PKN2: variants seen among roughly 807,000 people sequenced by gnomAD.
The protein encoded by PKN2 is protein kinase N2.
Under a neutral mutation model 119.1 loss-of-function variants are expected in PKN2, and 38 were observed. The ratio of observed to expected loss-of-function variants is 0.32; its 90% CI spans 0.25 to 0.42. PKN2 has a LOEUF of 0.42. PKN2 is among the 10% of genes least tolerant of loss of function. The pLI, the probability that PKN2 is intolerant of heterozygous loss-of-function variation, is 1.00. For missense variants in PKN2, 850 were observed against 1,165.1 expected (o/e 0.73, Z 3.94); for synonymous variants, 390 against 384.9 (o/e 1.01, Z -0.15).
chr1:88,807,305 T>C lies in PKN2; in HGVS notation c.1804-8T>C, dbSNP rs1260968919. 1 of 1,515,160 alleles carries C rather than the reference T, an allele frequency of 6.6e-7. No homozygotes were observed. The highest frequency in any genetic ancestry group is 9.0e-7 in the Non-Finnish European group (1 of 1,114,224). The allele number at this position is 1,515,160 out of a possible 1,614,324, so 93.9% of individuals were successfully genotyped here. A position where few individuals can be genotyped will look rare whatever the true frequency, so the allele number is the denominator to read the frequency against. ...TCTATGGATTCACGTGTATTTAATA[T>C]TTTACAGGATTCAGAGACTGTTTTT... On this transcript the variant is annotated splice_polypyrimidine_tract_variant and splice_region_variant and intron_variant, in intron 12 of 21. Transcript: ENST00000370521.
At chr1:88,796,334 A>C (rs894190062) in intron 8 of PKN2, among the ~76,000 whole-genome samples, 6 of 152,106 alleles carry the variant, frequency 3.9e-5, no homozygotes, top group Non-Finnish European at 8.8e-5. Flanking sequence ...GTACTGCCTG[A>C]TGTGATCCAA....
At chr1:88,699,233 TTC>T (rs1397909170) in intron 1 of PKN2, among the ~76,000 whole-genome samples, 7 of 152,192 alleles carry the variant, frequency 4.6e-5, no homozygotes, top group African/African-American at 1.4e-4. Context: ...TCTTTAAATT[TTC>T]TCTGTTTTGG....
At chr1:88,771,219 G>C (rs1315838116) in intron 4 of PKN2, among the ~76,000 whole-genome samples, 3 of 151,882 alleles carry the variant, frequency 2.0e-5, no homozygotes, top group East Asian at 3.9e-4. Context: ...CTTTTTTTCA[G>C]ATTTGTAATT....
intron 3 of PKN2, among the ~76,000 whole-genome samples, chr1:88,766,331 C>T (rs1442755076): frequency 6.6e-6 from 1 of 152,044 alleles, no homozygotes; most frequent in Non-Finnish European, 1.5e-5. Flanking sequence ...AATGACTGGC[C>T]TATTTATTAC....
At chr1:88,770,267 A>G (rs1010224570) in intron 3 of PKN2, 85 bp from the exon 4 acceptor site, 7 of 706,650 alleles carry the variant, frequency 9.9e-6, no homozygotes, top group Non-Finnish European at 1.8e-5. Flanking sequence ...ACTTGCTGAT[A>G]TATCACTTGA....
chr1:88,732,933 G>A (rs898394590), intron 1 of PKN2, among the ~76,000 whole-genome samples: 2 of 152,154 alleles, frequency 1.3e-5, no homozygotes, highest in East Asian at 3.9e-4. Context: ...TCATTCATAG[G>A]TGGAATCTAA....
At chr1:88,797,109 G>A (rs1163898960) in intron 8 of PKN2, among the ~76,000 whole-genome samples, 2 of 151,900 alleles carry the variant, frequency 1.3e-5, no homozygotes, top group Non-Finnish European at 2.9e-5. Context: ...TGAGGCGGGC[G>A]GATCACCTGA....
chr1:88,747,647 G>C (rs1668822863), intron 2 of PKN2, among the ~76,000 whole-genome samples: 1 of 151,886 alleles, frequency 6.6e-6, no homozygotes, highest in Non-Finnish European at 1.5e-5. Flanking sequence ...TAATAATTTG[G>C]GTAGTGTATA....
chr1:88,809,242 T>C (rs1209756266), intron 15 of PKN2, among the ~76,000 whole-genome samples: 3 of 152,198 alleles, frequency 2.0e-5, no homozygotes, highest in Non-Finnish European at 4.4e-5. Context: ...TTATAAAATA[T>C]TCTGAGTACC....
At chr1:88,769,279 T>A (rs1669790573) in intron 3 of PKN2, among the ~76,000 whole-genome samples, 1 of 152,202 alleles carries the variant, frequency 6.6e-6, no homozygotes, top group Non-Finnish European at 1.5e-5. Flanking sequence ...GACATTAAAG[T>A]GTTTCTAGGG....
chr1:88,787,988 G>C (rs1670650674), intron 8 of PKN2, among the ~76,000 whole-genome samples: 1 of 152,066 alleles, frequency 6.6e-6, no homozygotes, highest in Non-Finnish European at 1.5e-5. Context: ...TAAAAACATA[G>C]ATGGAAACAT....
chr1:88,774,257 T>A (rs1402518090), intron 6 of PKN2, among the ~76,000 whole-genome samples: 2 of 152,202 alleles, frequency 1.3e-5, no homozygotes, highest in Non-Finnish European at 2.9e-5. Flanking sequence ...AGAATTTTCA[T>A]TGGGGCTTTG....
At chr1:88,821,687 C>T (rs1480066027) in intron 16 of PKN2, among the ~76,000 whole-genome samples, 6 of 152,182 alleles carry the variant, frequency 3.9e-5, no homozygotes, top group African/African-American at 1.4e-4. Flanking sequence ...TCCTGCAGAA[C>T]CAGATCAAAT....
At chr1:88,777,484 G>C (rs763634383) in intron 6 of PKN2, among the ~76,000 whole-genome samples, 1 of 151,974 alleles carries the variant, frequency 6.6e-6, no homozygotes, top group Non-Finnish European at 1.5e-5. Context: ...CATTTCCTTA[G>C]TATACTTACT....
intron 16 of PKN2, among the ~76,000 whole-genome samples, chr1:88,817,886 GAGAA>G (rs1330341637): frequency 9.2e-5 from 14 of 152,274 alleles, no homozygotes; most frequent in African/African-American, 1.2e-4. Context: ...AATCAGGCAA[GAGAA>G]AGAAAGAAAG....
chr1:88,728,416 C>G (rs1476553237), intron 1 of PKN2, among the ~76,000 whole-genome samples: 1 of 152,108 alleles, frequency 6.6e-6, no homozygotes, highest in African/African-American at 2.4e-5. Flanking sequence ...AAATTACAAG[C>G]AGGTTTTTCA....
At chr1:88,748,184 A>G (rs1368215148) in intron 2 of PKN2, among the ~76,000 whole-genome samples, 1 of 152,170 alleles carries the variant, frequency 6.6e-6, no homozygotes, top group African/African-American at 2.4e-5. Flanking sequence ...TCTAACTGCC[A>G]CCACATTCAG....
At chr1:88,804,296 G>A (rs1200167192) in intron 8 of PKN2, 95 bp from the exon 9 acceptor site, 1 of 981,072 alleles carries the variant, frequency 1.0e-6, no homozygotes, top group East Asian at 2.6e-5. Flanking sequence ...TTTGTTTATT[G>A]TATTTGTATT....
At chr1:88,829,324 C>CTAT in intron 19 of PKN2, 1 of 507,752 alleles carries the variant, frequency 2.0e-6, no homozygotes, top group South Asian at 2.2e-5. Context: ...CAAAAGTATT[C>CTAT]GCTACACCAA....
Sources: gnomAD v4.1 joint callset for allele counts (sites outside exome capture counted in the v4.1 genomes callset) on GRCh38, gnomAD v4.1.1 for gene constraint, MANE v1.5 for transcripts, NCBI Gene and HGNC (gene_info 2026-07-23, HGNC 2026-07-21) for gene names.